TAOK1: variants seen among roughly 807,000 people sequenced by gnomAD.
TAOK1 encodes TAO kinase 1, also known as serine/threonine-protein kinase TAO1.
TAOK1 carries 21 observed loss-of-function variants against 138.3 expected under a neutral mutation model. The ratio of observed to expected loss-of-function variants is 0.15; its 90% CI spans 0.11 to 0.22. The LOEUF (loss-of-function observed/expected upper bound fraction) is 0.22, where lower values mean the gene tolerates loss of function less well. Ranked by LOEUF, TAOK1 falls within the 10% of genes least tolerant of loss-of-function variation. TAOK1 has a pLI of 1.00. For missense variants in TAOK1, 651 were observed against 1,227.7 expected (o/e 0.53, Z 7.02); for synonymous variants, 361 against 398.4 (o/e 0.91, Z 1.12).
At chr17:29,425,515 C>G (rs1905607745) in intron 1 of TAOK1, among the ~76,000 whole-genome samples, 1 of 152,042 alleles carries the variant, frequency 6.6e-6, no homozygotes, top group East Asian at 1.9e-4. Flanking sequence ...CCCATCTGTA[C>G]AAAAAATATA....
At chr17:29,469,933 G>T (rs2030774611) in intron 3 of TAOK1, among the ~76,000 whole-genome samples, 1 of 152,082 alleles carries the variant, frequency 6.6e-6, no homozygotes, top group Non-Finnish European at 1.5e-5. Context: ...CAAAACACCG[G>T]AACATATTTT....
chr17:29,498,236 T>C, intron 11 of TAOK1, 82 bp from the exon 12 acceptor site: 1 of 1,410,408 alleles, frequency 7.1e-7, no homozygotes, highest in Non-Finnish European at 9.9e-7. Context: ...CCAAGTGGTA[T>C]GCTAGGTGCT....
chr17:29,418,304 C>G (rs1436085020), intron 1 of TAOK1, among the ~76,000 whole-genome samples: 2 of 152,204 alleles, frequency 1.3e-5, no homozygotes, highest in Non-Finnish European at 2.9e-5. Flanking sequence ...ACATCTCAGA[C>G]TCCTTAGTAG....
chr17:29,483,076 T>A, intron 8 of TAOK1, among the ~76,000 whole-genome samples: 1 of 152,240 alleles, frequency 6.6e-6, no homozygotes, highest in East Asian at 1.9e-4. Flanking sequence ...GCATTAAATT[T>A]TACTTATTTA....
chr17:29,434,634 G>C (rs2138855), intron 1 of TAOK1, among the ~76,000 whole-genome samples: 98,045 of 151,960 alleles, frequency 0.65, 33,514 homozygotes, highest in East Asian at 0.97. Context: ...ACCTATGTCT[G>C]TTTCCCACCT....
At chr17:29,462,373 A>C (rs1262787747) in intron 2 of TAOK1, among the ~76,000 whole-genome samples, 1 of 152,224 alleles carries the variant, frequency 6.6e-6, no homozygotes, top group Non-Finnish European at 1.5e-5. Context: ...CCTTAAATAG[A>C]ACCAATGTGA....
At chr17:29,465,395 G>A (rs1000737745) in intron 2 of TAOK1, among the ~76,000 whole-genome samples, 6 of 151,666 alleles carry the variant, frequency 4.0e-5, no homozygotes, top group Admixed American at 6.6e-5. Context: ...CGCAATCCGC[G>A]CGTCTCTGCC....
rs530365669 is a variant in TAOK1, at chr17:29,472,243, A to T, written c.205-3427A>T. Reference sequence around the variant, plus strand: ...AGACAAATTGCTGTCTATGGCAGCTATAGCCGTTGTGTGTTTTTTTTTTTT... The same window carrying T: ...AGACAAATTGCTGTCTATGGCAGCTTTAGCCGTTGTGTGTTTTTTTTTTTT... On this transcript the variant is annotated intron_variant, in intron 3 of 19. Transcript: ENST00000261716. Among the ~76,000 whole-genome samples the T allele has an allele frequency of 1.5e-4, 22 of 145,836 alleles. No homozygotes were observed. The South Asian group carries it at 3.9e-3, about 26-fold the overall frequency.
At chr17:29,457,013 G>C (rs191490814) in intron 2 of TAOK1, among the ~76,000 whole-genome samples, 34 of 149,486 alleles carry the variant, frequency 2.3e-4, no homozygotes, top group Admixed American at 1.4e-3. Context: ...GATTACAGGC[G>C]TGAGCCACAG....
intron 14 of TAOK1, among the ~76,000 whole-genome samples, chr17:29,509,680 G>T (rs2031685102): frequency 6.6e-6 from 1 of 151,630 alleles, no homozygotes; most frequent in Non-Finnish European, 1.5e-5. Flanking sequence ...GATTACTTGA[G>T]CCCAGGAGTT....
At chr17:29,412,340 G>T (rs1358407789) in intron 1 of TAOK1, among the ~76,000 whole-genome samples, 1 of 151,878 alleles carries the variant, frequency 6.6e-6, no homozygotes, top group Non-Finnish European at 1.5e-5. Context: ...CCCATGCCCA[G>T]CCGATACAGC....
At chr17:29,516,731 C>T (rs915822516) in intron 15 of TAOK1, among the ~76,000 whole-genome samples, 1 of 151,818 alleles carries the variant, frequency 6.6e-6, no homozygotes, top group Non-Finnish European at 1.5e-5. Context: ...GAACTCCCAA[C>T]CTCAGGTGAT....
At chr17:29,448,570 C>G (rs183672998) in intron 1 of TAOK1, among the ~76,000 whole-genome samples, 22 of 152,126 alleles carry the variant, frequency 1.4e-4, no homozygotes, top group Non-Finnish European at 3.1e-4. Context: ...TTGTGTTGTC[C>G]TTTGGTCTTT....
chr17:29,434,108 A>G (rs1316284167), intron 1 of TAOK1, among the ~76,000 whole-genome samples: 2 of 152,152 alleles, frequency 1.3e-5, no homozygotes, highest in Non-Finnish European at 2.9e-5. Flanking sequence ...CCTTTTACCA[A>G]TTTTCACAGG....
chr17:29,414,115 C>G (rs1352154157), intron 1 of TAOK1, among the ~76,000 whole-genome samples: 1 of 151,896 alleles, frequency 6.6e-6, no homozygotes, highest in African/African-American at 2.4e-5. Flanking sequence ...AATCTCCTGA[C>G]CTCGTGATCC....
intron 1 of TAOK1, among the ~76,000 whole-genome samples, chr17:29,422,752 G>T (rs867362651): frequency 1.3e-5 from 2 of 152,150 alleles, no homozygotes; most frequent in African/African-American, 4.8e-5. Context: ...GAGGATGGGC[G>T]TGCTACTGCA....
At position 29,548,480 on chromosome 17, in the gene TAOK1, A is replaced by G. The variant is rs973132861; in HGVS notation, c.*5458A>G. ...AATATACAAGGAATTCTTTAAATAG[A>G]GAAAAAGGTTAATCCTCACTGAAAC... is the stretch of plus-strand genomic sequence containing the variant. On this transcript the variant is annotated 3_prime_UTR_variant, in exon 20 of 20. Coordinates refer to ENST00000261716, the MANE Select transcript of TAOK1 (RefSeq NM_020791.4). 2 of 152,174 alleles carry G rather than the reference A, an allele frequency of 1.3e-5. No homozygotes were observed. The highest frequency in any genetic ancestry group is 4.8e-5 in the African/African-American group (2 of 41,530). The allele number at this position is 152,174 out of a possible 1,614,324, so 9.4% of individuals were successfully genotyped here.
Position 29,545,010 on chromosome 17 carries a change from G to T in TAOK1, c.*1988G>T, listed in dbSNP as rs1415391234. Reference sequence around the variant, plus strand: ...TAGGAGTTTCTGGGATTCATTTTAAGGAAACTGGAAGAAAATTAATGTTTT... The same window carrying T: ...TAGGAGTTTCTGGGATTCATTTTAATGAAACTGGAAGAAAATTAATGTTTT... On this transcript the variant is annotated 3_prime_UTR_variant, in exon 20 of 20. Transcript: ENST00000261716. The T allele has an allele frequency of 6.6e-6, 1 of 152,156 alleles. No individual in the cohort carries two copies. Among genetic ancestry groups the T allele is most frequent in the Non-Finnish European group, 1.5e-5 (1 of 68,022 alleles). 9.4% of individuals were successfully genotyped at this position (152,156 alleles called of 1,614,324 possible).
intron 1 of TAOK1, among the ~76,000 whole-genome samples, chr17:29,438,092 A>G: frequency 6.6e-6 from 1 of 152,190 alleles, no homozygotes; most frequent in Non-Finnish European, 1.5e-5. Flanking sequence ...TCTTTCTTCC[A>G]TAGGTATAAG....
Sources: allele counts gnomAD v4.1 joint callset (sites outside exome capture counted in the v4.1 genomes callset), GRCh38; gene constraint gnomAD v4.1.1; transcripts MANE v1.5; gene names NCBI Gene and HGNC (gene_info 2026-07-23, HGNC 2026-07-21).